GPC6: variants seen among roughly 807,000 people sequenced by gnomAD.
GPC6 encodes glypican-6.
A neutral mutation model predicts 55.2 loss-of-function variants in GPC6; 14 were observed. That is an observed-to-expected ratio of 0.25 (90% CI 0.17 to 0.40). The LOEUF (loss-of-function observed/expected upper bound fraction) is 0.40, where lower values mean the gene tolerates loss of function less well. GPC6 is among the 10% of genes least tolerant of loss of function. GPC6 has a pLI of 1.00. For missense variants in GPC6, 641 were observed against 708.5 expected (o/e 0.90, Z 1.08); for synonymous variants, 278 against 259.6 (o/e 1.07, Z -0.68).
At chr13:94,137,768 A>G (rs940041346) in intron 4 of GPC6, among the ~76,000 whole-genome samples, 1 of 152,144 alleles carries the variant, frequency 6.6e-6, no homozygotes, top group Non-Finnish European at 1.5e-5. Context: ...AGGCAAAATG[A>G]CCTATTATTC....
chr13:93,397,789 A>ATT (rs34394036), intron 1 of GPC6, among the ~76,000 whole-genome samples: 1 of 146,924 alleles, frequency 6.8e-6, no homozygotes. Context: ...CTCAAAAGCT[A>ATT]TTTTTTTTTC....
Position 93,275,106 on chromosome 13 carries a change from G to T in GPC6, c.160+47490G>T, listed in dbSNP as rs61965667. Among the ~76,000 whole-genome samples the T allele has an allele frequency of 5.8e-3, 881 of 152,306 alleles. 7 individuals are homozygous for T. Among genetic ancestry groups the T allele is most frequent in the Non-Finnish European group, 9.9e-3 (672 of 68,022 alleles). On this transcript the variant is annotated intron_variant, in intron 1 of 8. Coordinates refer to ENST00000377047, the MANE Select transcript of GPC6 (RefSeq NM_005708.5). The stretch of plus-strand genomic sequence containing the variant: ...CAGGTCCTGCTTCCAAACTGGGAAA[G>T]CCTCTTCTGATTATAGACTAACCTG...
At chr13:93,274,170 T>C (rs1163031937) in intron 1 of GPC6, among the ~76,000 whole-genome samples, 4 of 151,986 alleles carry the variant, frequency 2.6e-5, no homozygotes, top group African/African-American at 9.7e-5. Context: ...TAAAAGCGAG[T>C]GGTAAAAAGC....
Position 94,044,982 on chromosome 13 carries a change from G to A in GPC6, c.877+17088G>A, listed in dbSNP as rs556488059. ...TATAACTAAGAAAACTTCATAATGG[G>A]CTAAATATAAGAGTGAGATATATAT... is the stretch of plus-strand genomic sequence containing the variant. On this transcript the variant is annotated intron_variant, in intron 4 of 8. Transcript: ENST00000377047. Among the ~76,000 whole-genome samples the A allele has an allele frequency of 6.6e-5, 10 of 151,710 alleles. 1 individual carries two copies. The South Asian group carries it at 2.1e-3, about 32-fold the overall frequency.
chr13:93,980,855 C>T (rs1325442191), intron 3 of GPC6, among the ~76,000 whole-genome samples: 1 of 152,110 alleles, frequency 6.6e-6, no homozygotes, highest in Non-Finnish European at 1.5e-5. Context: ...TGGCCCCATC[C>T]CTTCCCTTTT....
intron 1 of GPC6, among the ~76,000 whole-genome samples, chr13:93,360,448 A>G (rs1881004787): frequency 6.6e-6 from 1 of 152,174 alleles, no homozygotes; most frequent in Non-Finnish European, 1.5e-5. Context: ...AGAGAGCAAT[A>G]CAGAATGAGA....
At chr13:94,118,028 G>C (rs1456168070) in intron 4 of GPC6, among the ~76,000 whole-genome samples, 1 of 152,080 alleles carries the variant, frequency 6.6e-6, no homozygotes, top group South Asian at 2.1e-4. Flanking sequence ...GTAAAAGGAA[G>C]ATTTTAATGT....
chr13:93,888,818 A>T (rs1875495350), intron 3 of GPC6, among the ~76,000 whole-genome samples: 1 of 152,152 alleles, frequency 6.6e-6, no homozygotes, highest in Admixed American at 6.6e-5. Flanking sequence ...ACCAAATTTA[A>T]TTTCCCAGTG....
chr13:93,551,079 A>G (rs1014977568), intron 2 of GPC6, among the ~76,000 whole-genome samples: 5 of 152,192 alleles, frequency 3.3e-5, no homozygotes, highest in African/African-American at 1.2e-4. Context: ...GCAGTTCAGT[A>G]TTCAAAGAAT....
chr13:93,983,039 A>G (rs1301427125), intron 3 of GPC6, among the ~76,000 whole-genome samples: 3 of 152,146 alleles, frequency 2.0e-5, no homozygotes, highest in African/African-American at 7.2e-5. Flanking sequence ...TGTCGTTGAA[A>G]AGGAAATAAA....
chr13:93,854,236 G>A (rs563749561), intron 3 of GPC6, among the ~76,000 whole-genome samples: 1 of 151,638 alleles, frequency 6.6e-6, no homozygotes, highest in Non-Finnish European at 1.5e-5. Context: ...TGAGCAGTTT[G>A]GGGAACAGCA....
chr13:94,115,589 G>A (rs1035231222), intron 4 of GPC6, among the ~76,000 whole-genome samples: 1 of 152,090 alleles, frequency 6.6e-6, no homozygotes, highest in African/African-American at 2.4e-5. Flanking sequence ...TTGGTGATCT[G>A]TAATCCAGGT....
At chr13:94,026,051 T>C (rs535523993) in intron 3 of GPC6, among the ~76,000 whole-genome samples, 11 of 152,258 alleles carry the variant, frequency 7.2e-5, no homozygotes, top group African/African-American at 2.6e-4. Context: ...ATGTAGGAAA[T>C]GTGGCTGTGA....
intron 4 of GPC6, among the ~76,000 whole-genome samples, chr13:94,180,366 G>A (rs754058752): frequency 2.6e-5 from 4 of 152,138 alleles, no homozygotes; most frequent in Non-Finnish European, 5.9e-5. Flanking sequence ...TAAACAGGCT[G>A]TTTAGTGGTA....
intron 3 of GPC6, among the ~76,000 whole-genome samples, chr13:93,906,680 T>G (rs1876687895): frequency 6.6e-6 from 1 of 152,010 alleles, no homozygotes; most frequent in South Asian, 2.1e-4. Flanking sequence ...GGAGAGGAGG[T>G]GTATTCAAAT....
At chr13:94,059,454 C>T (rs1169374039) in intron 4 of GPC6, among the ~76,000 whole-genome samples, 1 of 152,016 alleles carries the variant, frequency 6.6e-6, no homozygotes, top group Non-Finnish European at 1.5e-5. Flanking sequence ...ACTTGTAACA[C>T]CCACAGCCAG....
intron 2 of GPC6, among the ~76,000 whole-genome samples, chr13:93,630,754 T>G (rs952238011): frequency 2.0e-5 from 3 of 152,170 alleles, no homozygotes; most frequent in Non-Finnish European, 2.9e-5. Flanking sequence ...ATTTTAAGAA[T>G]TTTTGATAAA....
chr13:93,430,639 AG>A (rs2139273756), intron 1 of GPC6, among the ~76,000 whole-genome samples: 1 of 152,296 alleles, frequency 6.6e-6, no homozygotes, highest in Non-Finnish European at 1.5e-5. Context: ...AGCCATACTG[AG>A]TACAGAATTT....
intron 2 of GPC6, among the ~76,000 whole-genome samples, chr13:93,632,617 G>GTGTGTGTATATATA (rs1555318424): frequency 1.2e-4 from 6 of 51,776 alleles, no homozygotes; most frequent in Non-Finnish European, 4.6e-4. Flanking sequence ...GTATATATAT[G>GTGTGTGTATATATA]TATATATATA....
Sources: gnomAD v4.1 joint callset for allele counts (sites outside exome capture counted in the v4.1 genomes callset) on GRCh38, gnomAD v4.1.1 for gene constraint, MANE v1.5 for transcripts, NCBI Gene and HGNC (gene_info 2026-07-23, HGNC 2026-07-21) for gene names.